Variants in PAN3 observed in about 807,000 individuals in gnomAD.
The protein encoded by PAN3 is PAN2-PAN3 deadenylation complex subunit PAN3.
A neutral mutation model predicts 96.2 loss-of-function variants in PAN3; 19 were observed. The observed-to-expected ratio is 0.20, with a 90% CI of 0.14 to 0.29. The LOEUF (loss-of-function observed/expected upper bound fraction) is 0.29. Ranked by LOEUF, PAN3 falls within the 10% of genes least tolerant of loss-of-function variation. The probability of loss-of-function intolerance (pLI) is 1.00; values close to 1 mark genes in which losing one functional copy is unlikely to be tolerated. For missense variants in PAN3, 882 were observed against 1,108.1 expected, an observed-to-expected ratio of 0.80 and a Z score of 2.90; for synonymous variants, 433 against 406.6, an observed-to-expected ratio of 1.06 and a Z score of -0.78.
rs114325648 is a variant in PAN3 at position 28,164,528 on chromosome 13, T to A, written c.431-9744T>A. Among the ~76,000 whole-genome samples the A allele has an allele frequency of 2.4e-3, 369 of 152,354 alleles. 3 individuals carry two copies. The highest frequency in any genetic ancestry group is 8.2e-3 in the African/African-American group (341 of 41,580). On this transcript the variant is annotated intron_variant, in intron 1 of 18. Transcript: ENST00000380958. ...TGGGTACTTTTTGGAAAATGTCTTCTATGATGGAACTCTAGTCTCTGAAGA... is the reference window on the plus strand; with the variant it reads ...TGGGTACTTTTTGGAAAATGTCTTCAATGATGGAACTCTAGTCTCTGAAGA...
chr13:28,225,701 T>C lies in PAN3; in HGVS notation c.1000+5323T>C, dbSNP rs555054658. 1.2e-4 allele frequency among the ~76,000 whole-genome samples: 19 copies of C among 152,356 alleles called. 1 individual carries two copies. The South Asian group carries it at 3.9e-3, about 32-fold the overall frequency. On this transcript the variant is annotated intron_variant, in intron 6 of 18. Coordinates refer to ENST00000380958, the MANE Select transcript of PAN3 (RefSeq NM_175854.8). ...TCAGTCTTCTGCTAAACCAAAGTCT[T>C]GTCTCTCTTCCATCCACTTGTCCTA... is the stretch of plus-strand genomic sequence containing the variant.
chr13:28,230,131 C>T (rs1259355213), intron 6 of PAN3, among the ~76,000 whole-genome samples: 1 of 150,834 alleles, frequency 6.6e-6, no homozygotes, highest in African/African-American at 2.4e-5. Context: ...GAATAAGGTA[C>T]ATGAGCTTTA....
intron 6 of PAN3, among the ~76,000 whole-genome samples, chr13:28,237,700 CTT>C (rs1289626397): frequency 6.6e-6 from 1 of 152,124 alleles, no homozygotes; most frequent in African/African-American, 2.4e-5. Context: ...TAATAATTAA[CTT>C]TGTATCCCTC....
chr13:28,242,206 A>G (rs544515751), intron 6 of PAN3, among the ~76,000 whole-genome samples: 1 of 152,238 alleles, frequency 6.6e-6, no homozygotes, highest in East Asian at 1.9e-4. Flanking sequence ...GTGCTGCTTG[A>G]TAGCATGATC....
intron 1 of PAN3, among the ~76,000 whole-genome samples, chr13:28,164,386 T>C (rs1873280434): frequency 6.6e-6 from 1 of 152,248 alleles, no homozygotes; most frequent in Non-Finnish European, 1.5e-5. Context: ...ATTAGCATGA[T>C]AGTTGAGAAC....
At chr13:28,233,338 C>T (rs1330286389) in intron 6 of PAN3, among the ~76,000 whole-genome samples, 2 of 150,778 alleles carry the variant, frequency 1.3e-5, no homozygotes, top group Non-Finnish European at 2.9e-5. Context: ...ATGATCTCGG[C>T]TCACTGCAAC....
intron 1 of PAN3, among the ~76,000 whole-genome samples, chr13:28,155,730 CACAT>C (rs980239137): frequency 6.6e-6 from 1 of 152,022 alleles, no homozygotes; most frequent in Non-Finnish European, 1.5e-5. Flanking sequence ...TATATACACA[CACAT>C]ATACATAAAA....
intron 9 of PAN3, 69 bp downstream of exon 9, chr13:28,261,527 T>C (rs1409853556): frequency 1.2e-5 from 17 of 1,400,706 alleles, no homozygotes; most frequent in Non-Finnish European, 1.5e-5. Context: ...GTACATGTTT[T>C]ATGCATTATT....
At position 28,138,995 on chromosome 13, in the gene PAN3, G is replaced by A; in HGVS notation, c.338G>A (p.Gly113Glu). The A allele has an allele frequency of 7.9e-7, 1 of 1,273,574 alleles. No individual in the cohort carries two copies. The highest frequency in any genetic ancestry group is 2.6e-5 in the South Asian group (1 of 38,270). The allele number at this position is 1,273,574 out of a possible 1,614,324, so 78.9% of individuals were successfully genotyped here. ...GGCGGGGGAGCTGGGCCGCCCCCCG[G>A]GCCCAAGAAGCCGGACCTGGGGGAC... Reference protein sequence around the residue: ...VAGGGAGPPPGPKKPDLGDPG... With the variant: ...VAGGGAGPPPEPKKPDLGDPG... Residue 113 changes from glycine (G) to glutamate (E), a missense_variant, in exon 1 of 19, where the codon GGG becomes GAG. Gly to Glu is a moderately conservative substitution (Grantham distance 98, BLOSUM62 -2). This residue lies in a region of PAN3 where 442 missense variants were observed against 422.8 expected (regional missense o/e 1.05). Coordinates refer to ENST00000380958, the MANE Select transcript of PAN3 (RefSeq NM_175854.8).
chr13:28,291,321 T>C (rs1869719310), intron 18 of PAN3, among the ~76,000 whole-genome samples: 1 of 152,154 alleles, frequency 6.6e-6, no homozygotes, highest in South Asian at 2.1e-4. Context: ...GACAAGTTGA[T>C]AGACTAAGGA....
chr13:28,220,858 TG>T (rs1462107440), intron 6 of PAN3, among the ~76,000 whole-genome samples: 1 of 152,180 alleles, frequency 6.6e-6, no homozygotes, highest in African/African-American at 2.4e-5. Context: ...AATTTTAAAT[TG>T]GGTAAAGTAT....
intron 6 of PAN3, among the ~76,000 whole-genome samples, chr13:28,223,993 C>G (rs932341583): frequency 6.7e-6 from 1 of 150,274 alleles, no homozygotes; most frequent in East Asian, 2.0e-4. Context: ...CTCAGCCTCG[C>G]GAGTAGCTGG....
intron 6 of PAN3, among the ~76,000 whole-genome samples, chr13:28,226,762 A>G (rs1882042331): frequency 6.6e-6 from 1 of 152,208 alleles, no homozygotes; most frequent in African/African-American, 2.4e-5. Flanking sequence ...AACAGCATCA[A>G]AACTAGACAC....
intron 6 of PAN3, among the ~76,000 whole-genome samples, chr13:28,248,506 T>C (rs1284692383): frequency 7.7e-6 from 1 of 129,782 alleles, no homozygotes; most frequent in East Asian, 2.3e-4. Context: ...GTTCCAGATC[T>C]TAGAGGAAAG....
intron 4 of PAN3, among the ~76,000 whole-genome samples, chr13:28,190,911 A>C (rs1446847568): frequency 6.6e-6 from 1 of 152,240 alleles, no homozygotes; most frequent in East Asian, 1.9e-4. Flanking sequence ...ATGTTAACTT[A>C]CACGTGTGGA....
intron 11 of PAN3, 24 bp downstream of exon 11, chr13:28,267,235 T>C (rs1164178867): frequency 6.2e-7 from 1 of 1,611,648 alleles, no homozygotes; most frequent in Non-Finnish European, 8.5e-7. Context: ...AATTTGTCTT[T>C]CTGCTGGTGA....
At chr13:28,168,138 G>T (rs532625386) in intron 1 of PAN3, among the ~76,000 whole-genome samples, 1 of 152,142 alleles carries the variant, frequency 6.6e-6, no homozygotes, top group South Asian at 2.1e-4. Flanking sequence ...TGAGACCATA[G>T]CACACAGAGA....
intron 16 of PAN3, among the ~76,000 whole-genome samples, chr13:28,280,985 C>A (rs1442371790): frequency 2.0e-5 from 3 of 152,190 alleles, no homozygotes; most frequent in South Asian, 4.1e-4. Flanking sequence ...TTTGTCGGCA[C>A]TGAATGTTTG....
Position 28,138,593 on chromosome 13 carries a change from C to T in PAN3, c.-65C>T. ...ACCGGCAGCGTCTTCCTTTCCTCCC[C>T]CGTCTATGGTGGTGGCGGCGGCGGC... On this transcript the variant is annotated 5_prime_UTR_variant, in exon 1 of 19. Transcript: ENST00000380958. The T allele has an allele frequency of 2.4e-6, 1 of 409,746 alleles. No individual in the cohort carries two copies. The highest frequency in any genetic ancestry group is 4.1e-6 in the Non-Finnish European group (1 of 246,080). 25.4% of individuals were successfully genotyped at this position (409,746 alleles called of 1,614,324 possible).
Sources: gnomAD v4.1 joint callset for allele counts (sites outside exome capture counted in the v4.1 genomes callset) on GRCh38, gnomAD v4.1.1 for gene constraint, gnomAD v4.1.1 regional missense constraint, MANE v1.5 for transcripts, NCBI Gene and HGNC (gene_info 2026-07-23, HGNC 2026-07-21) for gene names.